HCN4: variants seen among roughly 807,000 people sequenced by gnomAD.
The protein encoded by HCN4 is potassium/sodium hyperpolarization-activated cyclic nucleotide-gated channel 4.
Under a neutral mutation model 76.9 loss-of-function variants are expected in HCN4, and 29 were observed. The ratio of observed to expected loss-of-function variants is 0.38; its 90% confidence interval spans 0.28 to 0.51. The LOEUF is 0.51. Among genes scored for constraint, HCN4 ranks in the 20% least tolerant of loss-of-function variants. The probability of loss-of-function intolerance (pLI) is 0.90; values close to 1 mark genes in which losing one functional copy is unlikely to be tolerated. For missense variants in HCN4, 1,416 were observed against 1,715.2 expected, an observed-to-expected ratio of 0.83 and a Z score of 3.08; for synonymous variants, 772 against 762.5, an observed-to-expected ratio of 1.01 and a Z score of -0.21.
Position 73,325,305 on chromosome 15 carries a change from A to G in HCN4, c.1730T>C (p.Leu577Pro). ...GGCCGCCACACAGCTCACCTCCCGC[A>G]GGGGCTCGCTTAGCTCGCCCAGGAT... ...ESILGELSEP[L>P]REEIINFNCR... Residue 577 changes from leucine (L) to proline (P), a missense_variant, in exon 5 of 8, where the codon CTG (leucine) becomes CCG (proline). Physicochemically the swap from Leu to Pro is moderately conservative, Grantham distance 98 (BLOSUM62 -3). This residue lies in a region of HCN4 where 241 missense variants were observed against 379.4 expected (regional missense o/e 0.64). Transcript: ENST00000261917. This position sits in a 1 kb window ranked among gnomAD's most constrained non-coding sequence, Gnocchi z 7.4. 1 of 1,613,900 alleles carries G rather than the reference A, an allele frequency of 6.2e-7. No homozygotes were observed. Among genetic ancestry groups the G allele is most frequent in the Non-Finnish European group, 8.5e-7 (1 of 1,179,934 alleles).
At chr15:73,334,367 A>T (rs2042949968) in intron 2 of HCN4, among the ~76,000 whole-genome samples, 1 of 152,056 alleles carries the variant, frequency 6.6e-6, no homozygotes, top group Admixed American at 6.5e-5. Context: ...GTGGCTGGTC[A>T]TGTTCAGGCA....
intron 1 of HCN4, among the ~76,000 whole-genome samples, chr15:73,364,991 T>G (rs967823463): frequency 6.6e-6 from 1 of 152,194 alleles, no homozygotes; most frequent in South Asian, 2.1e-4. Context: ...GTCAAAATGA[T>G]GAATAAATCC....
Position 73,367,784 on chromosome 15 carries a change from C to A in HCN4, c.487G>T (p.Ala163Ser). The change falls in exon 1 of 8, where the codon GCC becomes TCC. Residue 163 changes from alanine (A) to serine (S), a missense_variant. Coordinates refer to ENST00000261917, the MANE Select transcript of HCN4 (RefSeq NM_005477.3). This position sits in a 1 kb window ranked among gnomAD's most constrained non-coding sequence, Gnocchi z 7.5. Reference sequence around the variant, plus strand: ...GGCTGCTGGGGCGGCGGCGGCGAGGCTGCGGGCTGCGCCGAGGCGCCGGGG... The same window carrying A: ...GGCTGCTGGGGCGGCGGCGGCGAGGATGCGGGCTGCGCCGAGGCGCCGGGG... ...ERPGASAQPA[A>S]SPPPPQQPPQ... 6.9e-7 allele frequency: 1 copy of A among 1,445,786 alleles called. No individual in the cohort carries two copies. Among genetic ancestry groups the A allele is most frequent in the Non-Finnish European group, 9.0e-7 (1 of 1,105,504 alleles). The allele number at this position is 1,445,786 out of a possible 1,614,324, so 89.6% of individuals were successfully genotyped here.
intron 1 of HCN4, among the ~76,000 whole-genome samples, chr15:73,366,503 G>A (rs2043129066): frequency 1.3e-5 from 2 of 152,282 alleles, no homozygotes; most frequent in South Asian, 4.1e-4. Context: ...AGCCCAGAGG[G>A]GCACTAGGGA....
chr15:73,343,916 G>T lies in HCN4; in HGVS notation c.786-108C>A. 4.1e-6 allele frequency: 5 copies of T among 1,206,088 alleles called. No homozygotes were observed. The highest frequency in any genetic ancestry group is 6.1e-6 in the Non-Finnish European group (5 of 824,794). 74.7% of individuals were successfully genotyped at this position (1,206,088 alleles called of 1,614,324 possible). ...ATCTGGGACAGAGAAGTCTTGGGAG[G>T]TTCTGAGACAGGAAGACAGGCACAT... On this transcript the variant is annotated intron_variant, in intron 1 of 7. Transcript: ENST00000261917. The surrounding 1 kb of genome is among the most constrained non-coding windows in gnomAD (Gnocchi z 5.7).
At chr15:73,366,791 G>A (rs1323412841) in intron 1 of HCN4, among the ~76,000 whole-genome samples, 2 of 152,224 alleles carry the variant, frequency 1.3e-5, no homozygotes, top group Non-Finnish European at 2.9e-5. Context: ...TGGGACACAG[G>A]ACAGCTGCTC....
Position 73,325,243 on chromosome 15 carries a change from G to GCTGGCTGCCAGGAAGGC in HCN4, c.1737+38_1738-49dup. Reference sequence around the variant, plus strand: ...ACACGGGAAGGAGGTGGTGAGGGGAGCTGGCTGCCAGGAAGGCCTGGCTCC... The same window carrying GCTGGCTGCCAGGAAGGC: ...ACACGGGAAGGAGGTGGTGAGGGGAGCTGGCTGCCAGGAAGGCCTGGCTGCCAGGAAGGCCTGGCTCC... On this transcript the variant is annotated intron_variant, in intron 5 of 7. Transcript: ENST00000261917. The surrounding 1 kb of genome is among the most constrained non-coding windows in gnomAD (Gnocchi z 7.4). The GCTGGCTGCCAGGAAGGC allele has an allele frequency of 6.2e-7, 1 of 1,614,172 alleles. No homozygotes were observed. Among genetic ancestry groups the GCTGGCTGCCAGGAAGGC allele is most frequent in the Middle Eastern group, 1.6e-4 (1 of 6,062 alleles).
chr15:73,322,180 G>C lies in HCN4; in HGVS notation c.*301C>G. On this transcript the variant is annotated 3_prime_UTR_variant, in exon 8 of 8. Coordinates refer to ENST00000261917, the MANE Select transcript of HCN4 (RefSeq NM_005477.3). ...GCCAACACTGGCCACTCCCACCCCT[G>C]CCCAGCCCCGGAGACCCCATCTGCC... 5.7e-6 allele frequency: 2 copies of C among 352,724 alleles called. No individual in the cohort carries two copies. The highest frequency in any genetic ancestry group is 9.6e-4 in the Middle Eastern group (1 of 1,038). The allele number at this position is 352,724 out of a possible 1,614,324, so 21.8% of individuals were successfully genotyped here.
intron 1 of HCN4, among the ~76,000 whole-genome samples, chr15:73,355,414 CA>C (rs2043073508): frequency 1.3e-5 from 2 of 152,118 alleles, no homozygotes; most frequent in African/African-American, 4.8e-5. Context: ...AGAGGTCAGC[CA>C]AGGGCAGCTG....
rs2042871271 is a variant in HCN4, at chr15:73,322,948, G to C, written c.3145C>G (p.His1049Asp). ...PSAPPRASGS[H>D]GSLLLPPASS... ...GCAGGTGGCAGGAGCAAGGATCCGT[G>C]GGAGCCAGAGGCCCGGGGCGGGGCA... The change falls in exon 8 of 8, where the codon CAC (histidine) becomes GAC (aspartate). Residue 1049 changes from histidine to aspartate, a missense_variant. This residue lies in a region of HCN4 where 633 missense variants were observed against 579.8 expected (regional missense o/e 1.09). Coordinates refer to ENST00000261917, the MANE Select transcript of HCN4 (RefSeq NM_005477.3). 7.0e-7 allele frequency: 1 copy of C among 1,423,056 alleles called. No individual in the cohort carries two copies. Among genetic ancestry groups the C allele is most frequent in the African/African-American group, 1.4e-5 (1 of 70,128 alleles). 88.2% of individuals were successfully genotyped at this position (1,423,056 alleles called of 1,614,324 possible). A position where few individuals can be genotyped will look rare whatever the true frequency, so the allele number is the denominator to read the frequency against.
rs1438683160 is a variant in HCN4 at position 73,343,378 on chromosome 15, C to G, written c.1209+7G>C. On this transcript the variant is annotated splice_region_variant and intron_variant, in intron 2 of 7. Coordinates refer to ENST00000261917, the MANE Select transcript of HCN4 (RefSeq NM_005477.3). This position sits in a 1 kb window ranked among gnomAD's most constrained non-coding sequence, Gnocchi z 5.7. ...TTTCCCCCAAGAGGTTTGCACTGACCACTTACCTCTTCCCACTGGTGAATA... is the reference window on the plus strand; with the variant it reads ...TTTCCCCCAAGAGGTTTGCACTGACGACTTACCTCTTCCCACTGGTGAATA... 6.2e-7 allele frequency: 1 copy of G among 1,613,642 alleles called. No individual in the cohort carries two copies. The highest frequency in any genetic ancestry group is 1.3e-5 in the African/African-American group (1 of 74,902).
intron 4 of HCN4, among the ~76,000 whole-genome samples, chr15:73,327,205 C>G (rs1052882613): frequency 2.6e-5 from 4 of 150,970 alleles, no homozygotes; most frequent in African/African-American, 9.8e-5. Context: ...CTCCTAGGTT[C>G]AAGTGATTCT....
chr15:73,332,263 G>A lies in HCN4; in HGVS notation c.1239C>T (p.Ser413=), dbSNP rs756452700. The A allele has an allele frequency of 6.8e-6, 11 of 1,614,090 alleles. No homozygotes were observed. Among genetic ancestry groups the A allele is most frequent in the Non-Finnish European group, 9.3e-6 (11 of 1,180,026 alleles). The part of the protein sequence containing the change: ...EIFHMTYDLA[S]AVVRIVNLIG... ...TGAGGTTCACGATGCGCACCACGGC[G>A]CTGGCCAGGTCGTAGGTCATGTGGA... The change falls in exon 3 of 8, where the codon AGC becomes AGT. Residue 413 remains serine, a synonymous_variant. Transcript: ENST00000261917.
rs552891224 is a variant in HCN4, at chr15:73,328,335, A to G, written c.1590+1238T>C. Among the ~76,000 whole-genome samples the G allele has an allele frequency of 7.6e-4, 116 of 152,152 alleles. 1 individual carries two copies. Among genetic ancestry groups the G allele is most frequent in the African/African-American group, 2.7e-3 (112 of 41,526 alleles). On this transcript the variant is annotated intron_variant, in intron 4 of 7. Transcript: ENST00000261917. This position sits in a 1 kb window ranked among gnomAD's most constrained non-coding sequence, Gnocchi z 4.0. ...CTGGCCAGGCTGAAATAAAGGGTGC[A>G]AGGCCCAGGGCAGGAGCTGAGCATG...
Position 73,367,680 on chromosome 15 carries a change from G to A in HCN4, c.591C>T (p.Gly197=). ...CCTCGGCCTCCGGGAGGATCTGGTC[G>A]CCGGCAGCCGCGCCTCCCTCCACTT... ...AIKVEGGAAA[G]DQILPEAEVR... The change falls in exon 1 of 8, where the codon GGC becomes GGT. Residue 197 remains glycine (G), a synonymous_variant. Coordinates refer to ENST00000261917, the MANE Select transcript of HCN4 (RefSeq NM_005477.3). This position sits in a 1 kb window ranked among gnomAD's most constrained non-coding sequence, Gnocchi z 7.5. 1 of 1,600,854 alleles carries A rather than the reference G, an allele frequency of 6.2e-7. No homozygotes were observed.
chr15:73,356,189 C>CTTTTT (rs527385643), intron 1 of HCN4, among the ~76,000 whole-genome samples: 1 of 135,268 alleles, frequency 7.4e-6, no homozygotes, highest in African/African-American at 2.8e-5. Flanking sequence ...TTGTTTTTTG[C>CTTTTT]TTTTTTTTTT....
chr15:73,324,396 T>A, intron 6 of HCN4, 143 bp from the exon 7 acceptor site: 1 of 842,066 alleles, frequency 1.2e-6, no homozygotes, highest in Non-Finnish European at 1.9e-6. Context: ...GCGGCCACAC[T>A]GGATGCCTCT....
At chr15:73,359,901 G>A (rs761424122) in intron 1 of HCN4, among the ~76,000 whole-genome samples, 4 of 152,102 alleles carry the variant, frequency 2.6e-5, no homozygotes, top group Non-Finnish European at 4.4e-5. Context: ...CCCAATCACC[G>A]CCATCCATGA....
intron 1 of HCN4, among the ~76,000 whole-genome samples, chr15:73,363,615 C>T (rs2043116244): frequency 6.6e-6 from 1 of 152,258 alleles, no homozygotes; most frequent in East Asian, 1.9e-4. Flanking sequence ...GTCTGGACAC[C>T]CAGGTATCCT....
Sources: allele counts gnomAD v4.1 joint callset (sites outside exome capture counted in the v4.1 genomes callset), GRCh38; gene constraint gnomAD v4.1.1; regional missense constraint gnomAD v4.1.1; non-coding constraint Gnocchi (gnomAD v3.1); transcripts MANE v1.5; gene names NCBI Gene and HGNC (gene_info 2026-07-23, HGNC 2026-07-21).